SLC35D2: variants seen among roughly 807,000 people sequenced by gnomAD.
The protein encoded by SLC35D2 is solute carrier family 35 member D2, also known as nucleotide sugar transporter SLC35D2.
In SLC35D2, 43 loss-of-function variants were observed where a neutral mutation model predicts 41.8. The ratio of observed to expected loss-of-function variants is 1.03; its 90% CI spans 0.81 to 1.33. The LOEUF is 1.33. SLC35D2 is among the 40% of genes most tolerant of loss of function. The pLI is 0.00. For missense variants in SLC35D2, 380 were observed against 408.4 expected (o/e 0.93, Z 0.60); for synonymous variants, 150 against 163.9 (o/e 0.92, Z 0.65).
At position 96,351,134 on chromosome 9, in the gene SLC35D2, CAA is replaced by C; in HGVS notation, c.455_456del (p.Phe152CysfsTer13). Reference sequence around the variant, plus strand: ...GCTATGAAAGCCCCGAGAATAATGGCAAAGACACTGAGGATGATGTTGAGTGA... The same window carrying C: ...GCTATGAAAGCCCCGAGAATAATGGCAGACACTGAGGATGATGTTGAGTGA... ...QYSLNIILSV[F>X]AIILGAFIAA... On this transcript the variant is annotated frameshift_variant, in exon 6 of 12. Coordinates refer to ENST00000253270, the MANE Select transcript of SLC35D2 (RefSeq NM_007001.3). LOFTEE classifies it high-confidence loss of function. The C allele has an allele frequency of 6.2e-7, 1 of 1,612,706 alleles. No individual in the cohort carries two copies. The highest frequency in any genetic ancestry group is 8.5e-7 in the Non-Finnish European group (1 of 1,178,824).
chr9:96,340,094 A>AG (rs1829245512), intron 8 of SLC35D2, among the ~76,000 whole-genome samples: 1 of 152,050 alleles, frequency 6.6e-6, no homozygotes, highest in East Asian at 1.9e-4. Context: ...CACCTAATTC[A>AG]TTTCTTTCTC....
At position 96,351,154 on chromosome 9, in the gene SLC35D2, T is replaced by A; in HGVS notation, c.437A>T (p.Asn146Ile). 6.2e-7 allele frequency: 1 copy of A among 1,610,504 alleles called. No homozygotes were observed. Among genetic ancestry groups the A allele is most frequent in the Non-Finnish European group, 8.5e-7 (1 of 1,176,852 alleles). The change falls in exon 6 of 12, where the codon AAC (asparagine) becomes ATC (isoleucine). Residue 146 changes from asparagine to isoleucine, a missense_variant. Coordinates refer to ENST00000253270, the MANE Select transcript of SLC35D2 (RefSeq NM_007001.3). ...AATGGCAAAGACACTGAGGATGATG[T>A]TGAGTGAATACTGCTTCCTGTAATA... ...TIILGKQYSL[N>I]IILSVFAIIL... is the part of the protein sequence containing the mutation.
intron 7 of SLC35D2, 89 bp from the exon 8 acceptor site, chr9:96,344,085 C>T (rs1178359835): frequency 6.8e-6 from 5 of 736,002 alleles, no homozygotes; most frequent in African/African-American, 1.8e-5. Flanking sequence ...CATATTCATG[C>T]GAAGTTAGAA....
chr9:96,336,113 A>G lies in SLC35D2; in HGVS notation c.752+604T>C, dbSNP rs577627654. On this transcript the variant is annotated intron_variant, in intron 9 of 11. Transcript: ENST00000253270. ...CAAAAAAGCCTAACTGTTGGACAAT[A>G]CAACAGCCTGGACATCTCTCTTTAG... Among the ~76,000 whole-genome samples, 5 of 152,272 alleles carry G rather than the reference A, an allele frequency of 3.3e-5. No individual in the cohort carries two copies. The South Asian group carries it at 1.0e-3, about 32-fold the overall frequency.
intron 4 of SLC35D2, 72 bp downstream of exon 4, chr9:96,360,082 C>A: frequency 8.9e-7 from 1 of 1,118,174 alleles, no homozygotes; most frequent in South Asian, 1.4e-5. Flanking sequence ...TGGCAAAAAT[C>A]AATCTTGGTC....
chr9:96,330,904 TTTTATTTATTTA>T (rs572037042), intron 9 of SLC35D2, among the ~76,000 whole-genome samples: 9 of 146,842 alleles, frequency 6.1e-5, no homozygotes, highest in Non-Finnish European at 1.5e-5. Context: ...TTCACCCTGA[TTTTATTTATTTA>T]TTTATTTATT....
chr9:96,351,239 TTTTAAA>T, intron 5 of SLC35D2, 68 bp from the exon 6 acceptor site: 1 of 1,164,132 alleles, frequency 8.6e-7, no homozygotes, highest in Non-Finnish European at 1.3e-6. Flanking sequence ...TGATTATATT[TTTTAAA>T]CAAATTGAAA....
At chr9:96,349,480 A>G (rs1829721447) in intron 6 of SLC35D2, among the ~76,000 whole-genome samples, 1 of 151,918 alleles carries the variant, frequency 6.6e-6, no homozygotes, top group Non-Finnish European at 1.5e-5. Context: ...CAGGCATGGG[A>G]AGGTAAATCT....
chr9:96,375,768 A>G (rs1830921402), intron 1 of SLC35D2, among the ~76,000 whole-genome samples: 1 of 152,102 alleles, frequency 6.6e-6, no homozygotes, highest in African/African-American at 2.4e-5. Context: ...CTGTAATCGC[A>G]GCACTTTGAG....
chr9:96,341,852 A>G lies in SLC35D2; in HGVS notation c.684+2052T>C, dbSNP rs60209615. Among the ~76,000 whole-genome samples the G allele has an allele frequency of 2.4e-3, 369 of 152,260 alleles. 1 individual carries two copies. Among genetic ancestry groups the G allele is most frequent in the African/African-American group, 8.3e-3 (344 of 41,552 alleles). On this transcript the variant is annotated intron_variant, in intron 8 of 11. Transcript: ENST00000253270. ...TCAGTTTCTGGTCACTATGCCTTTCATAGTGTTGTTGCCATGGGGAAATAT... is the reference window on the plus strand; with the variant it reads ...TCAGTTTCTGGTCACTATGCCTTTCGTAGTGTTGTTGCCATGGGGAAATAT...
chr9:96,356,135 C>T (rs576975456), intron 4 of SLC35D2, among the ~76,000 whole-genome samples: 4 of 152,274 alleles, frequency 2.6e-5, no homozygotes, highest in African/African-American at 9.6e-5. Context: ...CTGACAGCAC[C>T]CCCTCTCTTG....
chr9:96,372,540 T>C (rs569803973), intron 1 of SLC35D2, among the ~76,000 whole-genome samples: 23 of 151,888 alleles, frequency 1.5e-4, no homozygotes, highest in Non-Finnish European at 2.6e-4. Context: ...AGCATTCATA[T>C]TGCTCCTCTC....
chr9:96,373,643 C>T (rs1405776784), intron 1 of SLC35D2, among the ~76,000 whole-genome samples: 4 of 149,782 alleles, frequency 2.7e-5, no homozygotes, highest in Non-Finnish European at 4.4e-5. Context: ...GCAGAGATCA[C>T]GCCATTGCAC....
chr9:96,346,926 C>T (rs761438143), intron 6 of SLC35D2, among the ~76,000 whole-genome samples: 2 of 151,652 alleles, frequency 1.3e-5, no homozygotes, highest in East Asian at 1.9e-4. Flanking sequence ...CACCTGAGGT[C>T]GGGAGTTCGA....
chr9:96,360,462 C>A (rs1346076124), intron 3 of SLC35D2, among the ~76,000 whole-genome samples: 1 of 151,540 alleles, frequency 6.6e-6, no homozygotes, highest in East Asian at 2.0e-4. Flanking sequence ...AACCCCATTT[C>A]TACTAAAAAT....
At chr9:96,367,243 T>G (rs934875110) in intron 2 of SLC35D2, among the ~76,000 whole-genome samples, 3 of 138,630 alleles carry the variant, frequency 2.2e-5, no homozygotes, top group Non-Finnish European at 3.1e-5. Context: ...AAAAAAAGAA[T>G]AATGTTTACT....
chr9:96,362,080 A>G (rs892105066), intron 3 of SLC35D2, among the ~76,000 whole-genome samples: 2 of 152,266 alleles, frequency 1.3e-5, no homozygotes, highest in African/African-American at 2.4e-5. Flanking sequence ...CAATGAAAAT[A>G]AAAGAATACA....
intron 4 of SLC35D2, among the ~76,000 whole-genome samples, chr9:96,355,233 G>T (rs1394131826): frequency 6.6e-6 from 1 of 151,620 alleles, no homozygotes; most frequent in African/African-American, 2.4e-5. Flanking sequence ...GAGCAGGCTG[G>T]GTCTCAAACT....
chr9:96,372,475 A>C (rs914245611), intron 1 of SLC35D2, among the ~76,000 whole-genome samples: 5 of 152,102 alleles, frequency 3.3e-5, no homozygotes, highest in Admixed American at 2.0e-4. Flanking sequence ...GAAAAGAAGA[A>C]AAGAAACTTT....
Sources: allele counts gnomAD v4.1 joint callset (sites outside exome capture counted in the v4.1 genomes callset), GRCh38; gene constraint gnomAD v4.1.1; transcripts MANE v1.5; gene names NCBI Gene and HGNC (gene_info 2026-07-23, HGNC 2026-07-21).